The following AKR1C3 variants were observed in gnomAD, a reference collection of about 807,000 sequenced individuals.
The protein encoded by AKR1C3 is aldo-keto reductase family 1 member C3, also known as 3-alpha hydroxysteroid dehydrogenase, type II.
In AKR1C3, 48 loss-of-function variants were observed where a neutral mutation model predicts 43.6. The observed-to-expected ratio is 1.10, with a 90% CI of 0.87 to 1.40. The LOEUF (loss-of-function observed/expected upper bound fraction) is 1.40. AKR1C3 is among the 40% of genes most tolerant of loss of function. The probability of loss-of-function intolerance (pLI) is 0.00; values close to 1 mark genes in which losing one functional copy is unlikely to be tolerated. For missense variants in AKR1C3, 482 were observed against 391.2 expected, an observed-to-expected ratio of 1.23 and a Z score of -1.96; for synonymous variants, 162 against 139.6, an observed-to-expected ratio of 1.16 and a Z score of -1.13.
At chr10:5,088,019 T>C (rs1315506020) in intron 1 of AKR1C3, among the ~76,000 whole-genome samples, 2 of 152,180 alleles carry the variant, frequency 1.3e-5, no homozygotes, top group Non-Finnish European at 2.9e-5. Context: ...TGGCATGTTG[T>C]ATGTCTATTT....
chr10:5,102,512 G>C lies in AKR1C3; in HGVS notation c.708G>C (p.Leu236Phe), dbSNP rs782549386. The C allele has an allele frequency of 2.5e-6, 4 of 1,569,664 alleles. No homozygotes were observed. The highest frequency in any genetic ancestry group is 3.5e-6 in the Non-Finnish European group (4 of 1,158,836). The change falls in exon 7 of 9, where the codon TTG becomes TTC. Residue 236 changes from leucine (L) to phenylalanine (F), a missense_variant. Coordinates refer to ENST00000380554, the MANE Select transcript of AKR1C3 (RefSeq NM_003739.6). ...TGGACCCGAACTCCCCGGTGCTCTTGGAGGACCCAGTCCTTTGTGCCTTGG... is the reference window on the plus strand; with the variant it reads ...TGGACCCGAACTCCCCGGTGCTCTTCGAGGACCCAGTCCTTTGTGCCTTGG... ...RWVDPNSPVL[L>F]EDPVLCALAK...
At chr10:5,104,570 CTATTCTGT>C (rs1839452033) in intron 7 of AKR1C3, among the ~76,000 whole-genome samples, 2 of 152,052 alleles carry the variant, frequency 1.3e-5, no homozygotes, top group South Asian at 4.1e-4. Flanking sequence ...TCTTGACTGA[CTATTCTGT>C]TATATGAAAT....
Position 5,094,455 on chromosome 10 carries a change from A to G in AKR1C3, c.11A>G (p.Lys4Arg), listed in dbSNP as rs1839163850. MDS[K>R]HQCVKLNDGH... is the part of the protein sequence containing the mutation. ...GACAAGTGACAGGGAATGGATTCCA[A>G]ACACCAGTGTGTAAAGCTAAATGAT... Residue 4 changes from lysine (K) to arginine (R), a missense_variant, in exon 1 of 9, where the codon AAA becomes AGA. By Grantham distance (26) the Lys-to-Arg change is conservative. Transcript: ENST00000380554. 7 of 1,612,658 alleles carry G rather than the reference A, an allele frequency of 4.3e-6. No individual in the cohort carries two copies. In the East Asian group the frequency reaches 6.7e-5, roughly 15 times the overall value.
At chr10:5,084,270 G>A (rs1838911200) in intron 1 of AKR1C3, among the ~76,000 whole-genome samples, 2 of 151,534 alleles carry the variant, frequency 1.3e-5, no homozygotes, top group African/African-American at 4.9e-5. Context: ...GTAAGGAATG[G>A]ATCCAGTTTC....
At chr10:5,098,510 A>G (rs782545414) in intron 3 of AKR1C3, among the ~76,000 whole-genome samples, 6 of 152,240 alleles carry the variant, frequency 3.9e-5, no homozygotes, top group African/African-American at 1.4e-4. Context: ...GTACTTCAAT[A>G]GAGGAAATTA....
chr10:5,082,679 C>T (rs1451681944), intron 1 of AKR1C3, among the ~76,000 whole-genome samples: 1 of 151,996 alleles, frequency 6.6e-6, no homozygotes, highest in African/African-American at 2.4e-5. Context: ...TTTTGATGTG[C>T]TATTGGATTT....
At chr10:5,054,179 G>C (rs1260235863) in intron 1 of AKR1C3, among the ~76,000 whole-genome samples, 1 of 152,206 alleles carries the variant, frequency 6.6e-6, no homozygotes, top group Non-Finnish European at 1.5e-5. Context: ...AGGAGGTCTA[G>C]GCCTCAGCAG....
intron 1 of AKR1C3, chr10:5,048,904 A>G: frequency 6.2e-7 from 1 of 1,611,192 alleles, no homozygotes; most frequent in Non-Finnish European, 8.5e-7. Flanking sequence ...AGGTAATAAT[A>G]ATGTTTTTGG....
At chr10:5,103,143 GGCCTCCC>G (rs1839402444) in intron 7 of AKR1C3, among the ~76,000 whole-genome samples, 1 of 152,068 alleles carries the variant, frequency 6.6e-6, no homozygotes, top group Admixed American at 6.5e-5. Flanking sequence ...CACCTGCTGT[GGCCTCCC>G]AAAGTGGTAC....
chr10:5,107,337 G>A (rs1554787481), intron 8 of AKR1C3, 124 bp from the exon 9 acceptor site: 4 of 688,804 alleles, frequency 5.8e-6, no homozygotes, highest in Admixed American at 2.8e-5. Flanking sequence ...AGGTAAGAAA[G>A]GCAGATTCTA....
chr10:5,048,814 G>A (rs2131764862), exon 1 of AKR1C3: 1 of 1,613,550 alleles, frequency 6.2e-7, no homozygotes, highest in Non-Finnish European at 8.5e-7. Context: ...TGACAGTGAT[G>A]GATTCAAAAC....
intron 1 of AKR1C3, chr10:5,077,803 C>A (rs1838744976): frequency 4.7e-6 from 3 of 636,788 alleles, no homozygotes; most frequent in South Asian, 3.9e-5. Context: ...GAGGTTGAAG[C>A]AAATCTGACC....
chr10:5,057,781 T>C (rs1383970555), intron 1 of AKR1C3, among the ~76,000 whole-genome samples: 2 of 152,210 alleles, frequency 1.3e-5, no homozygotes, highest in African/African-American at 2.4e-5. Context: ...TCGGCTGTCA[T>C]GCTATCATTT....
intron 1 of AKR1C3, among the ~76,000 whole-genome samples, chr10:5,067,047 T>C (rs1002257261): frequency 6.9e-4 from 105 of 152,330 alleles, no homozygotes; most frequent in African/African-American, 2.5e-3. Flanking sequence ...TTTGTTTGTT[T>C]GTTTGTTTGT....
chr10:5,071,686 C>T (rs914643634), intron 1 of AKR1C3, among the ~76,000 whole-genome samples: 2 of 152,172 alleles, frequency 1.3e-5, no homozygotes, highest in Non-Finnish European at 2.9e-5. Flanking sequence ...TCACGGCTTC[C>T]AAAAGAATTC....
At chr10:5,106,753 C>CAAAAAA (rs782740812) in intron 8 of AKR1C3, among the ~76,000 whole-genome samples, 25,747 of 135,224 alleles carry the variant, frequency 0.19, 3,063 homozygotes, top group East Asian at 0.59. Flanking sequence ...GGCTCCATCT[C>CAAAAAA]AAAAAAAAAA....
intron 8 of AKR1C3, among the ~76,000 whole-genome samples, chr10:5,106,018 T>G (rs1483529208): frequency 6.6e-6 from 1 of 152,214 alleles, no homozygotes; most frequent in Non-Finnish European, 1.5e-5. Flanking sequence ...TGTTTCCAAA[T>G]CTGTGCTTAT....
chr10:5,105,497 C>T (rs1366772038), intron 7 of AKR1C3, 98 bp from the exon 8 acceptor site: 3 of 893,138 alleles, frequency 3.4e-6, no homozygotes, highest in South Asian at 3.4e-5. Flanking sequence ...TAAAACTTAC[C>T]AATATTTTAA....
At chr10:5,106,987 T>C (rs1839519358) in intron 8 of AKR1C3, among the ~76,000 whole-genome samples, 1 of 152,120 alleles carries the variant, frequency 6.6e-6, no homozygotes, top group Non-Finnish European at 1.5e-5. Flanking sequence ...CCATTAAAAA[T>C]GTAATAAGTT....
Sources: gnomAD v4.1 joint callset for allele counts (sites outside exome capture counted in the v4.1 genomes callset) on GRCh38, gnomAD v4.1.1 for gene constraint, MANE v1.5 for transcripts, NCBI Gene and HGNC (gene_info 2026-07-23, HGNC 2026-07-21) for gene names.